Variants in MTMR3 observed in about 807,000 individuals in gnomAD.
MTMR3 encodes phosphatidylinositol-3,5-bisphosphate 3-phosphatase MTMR3.
In MTMR3, 32 loss-of-function variants were observed where a neutral mutation model predicts 132.4. The observed-to-expected ratio is 0.24, with a 90% CI of 0.18 to 0.32. The LOEUF (loss-of-function observed/expected upper bound fraction) is 0.32. MTMR3 is among the 10% of genes least tolerant of loss of function. The pLI, the probability that MTMR3 is intolerant of heterozygous loss-of-function variation, is 1.00. For synonymous variants in MTMR3, 556 were observed against 550.3 expected (o/e 1.01, Z -0.14); for missense variants, 1,216 against 1,489.6 (o/e 0.82, Z 3.02).
Position 29,925,857 on chromosome 22 carries a change from A to G in MTMR3, c.-137-31179A>G, listed in dbSNP as rs1406970494. ...TTGAACTCAAGATGCGGAGGTTGCA[A>G]TGAGCTGAGATCAAGCCACTGCACT... On this transcript the variant is annotated intron_variant, in intron 1 of 19. Transcript: ENST00000401950. Among the ~76,000 whole-genome samples the G allele has an allele frequency of 8.5e-5, 13 of 152,128 alleles. No homozygotes were observed. In the East Asian group the frequency reaches 2.1e-3, roughly 25 times the overall value.
chr22:29,966,850 C>T (rs2066430907), intron 2 of MTMR3, among the ~76,000 whole-genome samples: 1 of 151,402 alleles, frequency 6.6e-6, no homozygotes, highest in South Asian at 2.1e-4. Flanking sequence ...CAATCCATTG[C>T]ATTTAACCAT....
intron 1 of MTMR3, among the ~76,000 whole-genome samples, chr22:29,954,264 T>TTA (rs1202968159): frequency 6.6e-6 from 1 of 151,688 alleles, no homozygotes; most frequent in Non-Finnish European, 1.5e-5. Context: ...AAATTTTATT[T>TTA]TATTTTATTT....
chr22:29,917,904 T>C (rs2065339243), intron 1 of MTMR3, among the ~76,000 whole-genome samples: 1 of 152,270 alleles, frequency 6.6e-6, no homozygotes, highest in African/African-American at 2.4e-5. Context: ...GAATATCTTA[T>C]GAGTAAATAG....
At chr22:29,917,321 TC>T (rs1331022538) in intron 1 of MTMR3, among the ~76,000 whole-genome samples, 3 of 152,138 alleles carry the variant, frequency 2.0e-5, no homozygotes, top group Non-Finnish European at 4.4e-5. Context: ...CAAGAAAAGA[TC>T]CTTCGTATAA....
At chr22:30,013,727 C>T (rs1354861669) in intron 14 of MTMR3, 186 bp downstream of exon 14, 1 of 559,680 alleles carries the variant, frequency 1.8e-6, no homozygotes, top group Non-Finnish European at 3.0e-6. Context: ...TCCAGGTATA[C>T]CAGGTTTGCA....
intron 6 of MTMR3, 74 bp from the exon 7 acceptor site, chr22:29,991,423 CATTCTTG>C: frequency 7.2e-6 from 10 of 1,396,866 alleles, no homozygotes; most frequent in Non-Finnish European, 9.6e-6. Context: ...TACGAGTGGG[CATTCTTG>C]AAATAATGGC....
chr22:30,014,502 C>CTTTTTTTTTTTTTTTTTTT (rs56934428), intron 14 of MTMR3: 3 of 78,814 alleles, frequency 3.8e-5, no homozygotes, highest in East Asian at 4.6e-4. Context: ...CCCTCCAGTT[C>CTTTTTTTTTTTTTTTTTTT]TTTTTTTTTT....
chr22:30,019,401 G>GAAAAAA (rs1238526757), intron 16 of MTMR3, 79 bp from the exon 17 acceptor site: 85 of 1,360,266 alleles, frequency 6.2e-5, no homozygotes, highest in Non-Finnish European at 8.1e-5. Flanking sequence ...TGAAACAACT[G>GAAAAAA]CTTGTTAAAA....
rs2145999029 is a variant in MTMR3, at chr22:30,030,109, A to T, written c.*4308A>T. The T allele has an allele frequency of 6.6e-6, 1 of 152,406 alleles. No homozygotes were observed. The highest frequency in any genetic ancestry group is 3.4e-3 in the Middle Eastern group (1 of 294). 9.4% of individuals were successfully genotyped at this position (152,406 alleles called of 1,614,324 possible). On this transcript the variant is annotated 3_prime_UTR_variant, in exon 20 of 20. Coordinates refer to ENST00000401950, the MANE Select transcript of MTMR3 (RefSeq NM_021090.4). ...CCTCTCCTAGGCTAGGCAGGTGTTC[A>T]GAGGCATGAAGGTCTGGGCAGGGGA...
At chr22:29,927,698 A>C (rs2065544728) in intron 1 of MTMR3, among the ~76,000 whole-genome samples, 1 of 151,784 alleles carries the variant, frequency 6.6e-6, no homozygotes, top group African/African-American at 2.4e-5. Flanking sequence ...TGCATTGGGC[A>C]CAGCAACACT....
chr22:29,946,021 T>TTGTGTGTG (rs57792760), intron 1 of MTMR3, among the ~76,000 whole-genome samples: 15,946 of 150,778 alleles, frequency 0.11, 1,116 homozygotes, highest in African/African-American at 0.19. Flanking sequence ...GTGTATATAT[T>TTGTGTGTG]TGTGTGTGTG....
chr22:30,019,570 G>T lies in MTMR3; in HGVS notation c.1911G>T (p.Leu637=). ...LASRRCSDPS[L]NEKWQEHRRS... Reference sequence around the variant, plus strand: ...GCCGGCGCTGCAGCGACCCCAGCCTGAACGAGAAGTGGCAGGAGCACCGGC... The same window carrying T: ...GCCGGCGCTGCAGCGACCCCAGCCTTAACGAGAAGTGGCAGGAGCACCGGC... Residue 637 remains leucine (L), a synonymous_variant, in exon 17 of 20, where the codon CTG becomes CTT. Transcript: ENST00000401950. The T allele has an allele frequency of 6.2e-7, 1 of 1,613,872 alleles. No individual in the cohort carries two copies. The highest frequency in any genetic ancestry group is 8.5e-7 in the Non-Finnish European group (1 of 1,180,040).
intron 1 of MTMR3, among the ~76,000 whole-genome samples, chr22:29,896,906 C>CACACACAT (rs1410082549): frequency 5.4e-5 from 8 of 147,776 alleles, no homozygotes; most frequent in Non-Finnish European, 1.2e-4. Flanking sequence ...CACACACATA[C>CACACACAT]ACACACACAA....
chr22:29,945,145 T>G (rs2065927895), intron 1 of MTMR3, among the ~76,000 whole-genome samples: 1 of 152,140 alleles, frequency 6.6e-6, no homozygotes, highest in South Asian at 2.1e-4. Context: ...TCTAAGTAGC[T>G]GGGGCCACAG....
intron 17 of MTMR3, chr22:30,021,574 C>G (rs114385277): frequency 1.6e-4 from 26 of 164,976 alleles, no homozygotes; most frequent in Admixed American, 1.8e-4. Context: ...CATCCAGTGA[C>G]TTTCAGTTCA....
At chr22:29,961,981 T>G (rs2066321207) in intron 2 of MTMR3, among the ~76,000 whole-genome samples, 1 of 152,246 alleles carries the variant, frequency 6.6e-6, no homozygotes, top group African/African-American at 2.4e-5. Flanking sequence ...CCATATAGCC[T>G]AGGTGTGTAG....
intron 1 of MTMR3, among the ~76,000 whole-genome samples, chr22:29,931,369 C>T (rs1243385338): frequency 2.6e-5 from 4 of 152,134 alleles, no homozygotes; most frequent in Non-Finnish European, 5.9e-5. Flanking sequence ...CAAAGGAGGA[C>T]AACATCCAAA....
chr22:29,949,952 C>T (rs2066041642), intron 1 of MTMR3, among the ~76,000 whole-genome samples: 1 of 152,066 alleles, frequency 6.6e-6, no homozygotes, highest in Non-Finnish European at 1.5e-5. Context: ...TGATTTGGGG[C>T]AAGGTGTCGG....
chr22:29,939,666 A>C (rs549037093), intron 1 of MTMR3, among the ~76,000 whole-genome samples: 1 of 151,948 alleles, frequency 6.6e-6, no homozygotes, highest in African/African-American at 2.4e-5. Context: ...TTATAAAATA[A>C]GAACCGTAAT....
Sources: allele counts gnomAD v4.1 joint callset (sites outside exome capture counted in the v4.1 genomes callset), GRCh38; gene constraint gnomAD v4.1.1; transcripts MANE v1.5; gene names NCBI Gene and HGNC (gene_info 2026-07-23, HGNC 2026-07-21).